CPNE4: variants seen among roughly 807,000 people sequenced by gnomAD.
The protein encoded by CPNE4 is copine 4, also known as copine-4.
CPNE4 carries 25 observed loss-of-function variants against 67.9 expected under a neutral mutation model. That is an observed-to-expected ratio of 0.37 (90% CI 0.27 to 0.51). The LOEUF (loss-of-function observed/expected upper bound fraction) is 0.51. CPNE4 is among the 20% of genes least tolerant of loss of function. CPNE4 has a pLI of 0.93. For synonymous variants in CPNE4, 242 were observed against 244.9 expected (o/e 0.99, Z 0.11); for missense variants, 464 against 690.8 (o/e 0.67, Z 3.68).
At chr3:131,634,370 T>C (rs974186410) in intron 7 of CPNE4, among the ~76,000 whole-genome samples, 5 of 152,196 alleles carry the variant, frequency 3.3e-5, no homozygotes, top group African/African-American at 1.2e-4. Flanking sequence ...TTAGAAATAA[T>C]ACTTCACTTT....
At chr3:131,539,135 T>G (rs1031406816) in intron 15 of CPNE4, among the ~76,000 whole-genome samples, 4 of 152,128 alleles carry the variant, frequency 2.6e-5, no homozygotes, top group African/African-American at 9.7e-5. Flanking sequence ...TCAAAGTAGA[T>G]TAGTTTGGGT....
Position 131,989,822 on chromosome 3 carries a change from G to A in CPNE4, c.-2+44745C>T, listed in dbSNP as rs952139334. Among the ~76,000 whole-genome samples, 6 of 136,218 alleles carry A rather than the reference G, an allele frequency of 4.4e-5. 1 individual carries two copies. The highest frequency in any genetic ancestry group is 5.2e-4 in the South Asian group (2 of 3,866). The allele number at this position is 136,218 out of a possible 152,430, so 89.4% of individuals were successfully genotyped here. ...ATTGCTTTCAGATTTTGGGAAACAC[G>A]TAGTAGTACAGTGAGAATAACGTTC... On this transcript the variant is annotated intron_variant, in intron 1 of 15. Transcript: ENST00000429747.
chr3:131,685,854 A>G (rs1343178670), intron 6 of CPNE4, 21 bp downstream of exon 6: 3 of 1,518,720 alleles, frequency 2.0e-6, no homozygotes, highest in Non-Finnish European at 2.7e-6. Context: ...ATAAGAGGGC[A>G]TAGCTGAAGA....
At chr3:131,847,077 C>T (rs890390863) in intron 2 of CPNE4, among the ~76,000 whole-genome samples, 7 of 152,208 alleles carry the variant, frequency 4.6e-5, no homozygotes, top group African/African-American at 1.7e-4. Context: ...TTCTAACTAA[C>T]TTGGCCTAAT....
chr3:131,860,913 G>A (rs1186321482), intron 2 of CPNE4, among the ~76,000 whole-genome samples: 1 of 152,128 alleles, frequency 6.6e-6, no homozygotes, highest in Admixed American at 6.5e-5. Flanking sequence ...TGCTCTGTCC[G>A]ACTTCTGGAC....
chr3:131,724,870 A>C (rs11714979), intron 2 of CPNE4, among the ~76,000 whole-genome samples: 14,396 of 152,208 alleles, frequency 0.095, 839 homozygotes, highest in South Asian at 0.12. Flanking sequence ...CTTATCGCTA[A>C]GGCTCTTTTC....
At chr3:131,563,205 T>C (rs1936879308) in intron 11 of CPNE4, among the ~76,000 whole-genome samples, 1 of 152,062 alleles carries the variant, frequency 6.6e-6, no homozygotes, top group Non-Finnish European at 1.5e-5. Flanking sequence ...TCATGCTGTC[T>C]TACAAAATTC....
intron 7 of CPNE4, among the ~76,000 whole-genome samples, chr3:131,615,880 A>ATC (rs145188802): frequency 5.7e-4 from 77 of 135,756 alleles, no homozygotes; most frequent in East Asian, 1.1e-3. Context: ...GCAAAACCCC[A>ATC]TCTCTCTCTC....
At chr3:131,997,661 C>T (rs897897345) in intron 1 of CPNE4, among the ~76,000 whole-genome samples, 1 of 152,018 alleles carries the variant, frequency 6.6e-6, no homozygotes, top group East Asian at 1.9e-4. Context: ...AGAACCAGAG[C>T]TTCTTTTATT....
chr3:131,617,920 A>G (rs556351840), intron 7 of CPNE4, among the ~76,000 whole-genome samples: 1 of 152,322 alleles, frequency 6.6e-6, no homozygotes, highest in South Asian at 2.1e-4. Flanking sequence ...TCATTCATTC[A>G]TTCATTAATT....
rs143366317 is a variant in CPNE4, at chr3:131,719,952, T to C, written c.360+3494A>G. On this transcript the variant is annotated intron_variant, in intron 3 of 15. Coordinates refer to ENST00000429747, the MANE Select transcript of CPNE4 (RefSeq NM_130808.3). ...CAAGTGGGTGATGAGATTCATGTGA[T>C]TAGCTGAGATCACTCAGGATTCACT... 8.0e-4 allele frequency among the ~76,000 whole-genome samples: 122 copies of C among 152,320 alleles called. No homozygotes were observed. In the Middle Eastern group the frequency reaches 0.01, roughly 13 times the overall value.
intron 2 of CPNE4, among the ~76,000 whole-genome samples, chr3:131,871,743 A>T: frequency 6.6e-6 from 1 of 152,192 alleles, no homozygotes; most frequent in East Asian, 1.9e-4. Context: ...AAAACCAAAC[A>T]TAATGAGCTA....
intron 1 of CPNE4, among the ~76,000 whole-genome samples, chr3:131,993,472 C>CAAAAAAAAAA (rs58116331): frequency 0.065 from 3,937 of 60,210 alleles, 704 homozygotes; most frequent in African/African-American, 0.11. Context: ...GCAGGAGTGG[C>CAAAAAAAAAA]AAAAAAAAAA....
intron 2 of CPNE4, among the ~76,000 whole-genome samples, chr3:131,789,256 T>C (rs578238084): frequency 1.9e-4 from 29 of 152,268 alleles, no homozygotes; most frequent in African/African-American, 6.5e-4. Context: ...CATGTTTGAA[T>C]CTAAATCCCA....
chr3:131,901,586 G>A lies in CPNE4; in HGVS notation c.180+3678C>T, dbSNP rs151304019. ...CGGCCAGGCATGATGGCTCACACCTGTAATTCCAGCACTTTGGGAGGCTGA... is the reference window on the plus strand; with the variant it reads ...CGGCCAGGCATGATGGCTCACACCTATAATTCCAGCACTTTGGGAGGCTGA... On this transcript the variant is annotated intron_variant, in intron 2 of 15. Transcript: ENST00000429747. 1.1e-3 allele frequency among the ~76,000 whole-genome samples: 167 copies of A among 152,126 alleles called. 1 individual carries two copies. The highest frequency in any genetic ancestry group is 3.9e-3 in the African/African-American group (160 of 41,528).
At chr3:131,829,255 G>A (rs2085281784) in intron 2 of CPNE4, among the ~76,000 whole-genome samples, 1 of 152,160 alleles carries the variant, frequency 6.6e-6, no homozygotes, top group Non-Finnish European at 1.5e-5. Context: ...ATTTGGGTGG[G>A]GACACAGCAA....
chr3:131,648,844 A>G (rs540407269), intron 7 of CPNE4, among the ~76,000 whole-genome samples: 1 of 152,220 alleles, frequency 6.6e-6, no homozygotes, highest in Admixed American at 6.5e-5. Context: ...GGAGGGTGCT[A>G]CTAAGCTCTG....
At chr3:131,607,131 G>A (rs1268034949) in intron 7 of CPNE4, among the ~76,000 whole-genome samples, 1 of 151,792 alleles carries the variant, frequency 6.6e-6, no homozygotes, top group African/African-American at 2.4e-5. Flanking sequence ...ATGACAGACA[G>A]ACTTTTGGGT....
intron 7 of CPNE4, among the ~76,000 whole-genome samples, chr3:131,660,002 C>T (rs1027316592): frequency 6.6e-6 from 1 of 151,994 alleles, no homozygotes; most frequent in Non-Finnish European, 1.5e-5. Flanking sequence ...ATAAAATTTG[C>T]CATTTATTTT....
Sources: allele counts gnomAD v4.1 joint callset (sites outside exome capture counted in the v4.1 genomes callset), GRCh38; gene constraint gnomAD v4.1.1; transcripts MANE v1.5; gene names NCBI Gene and HGNC (gene_info 2026-07-23, HGNC 2026-07-21).